Variants in NEK5 observed in about 807,000 individuals in gnomAD.
NEK5 encodes NIMA related kinase 5.
Under a neutral mutation model 109.2 loss-of-function variants are expected in NEK5, and 88 were observed. That is an observed-to-expected ratio of 0.81 (90% CI 0.68 to 0.96). NEK5 has a LOEUF of 0.96. Among genes scored for constraint, NEK5 ranks in the 40% least tolerant of loss-of-function variants. NEK5 has a pLI of 0.00. For missense variants in NEK5, 834 were observed against 920.7 expected (o/e 0.91, Z 1.22); for synonymous variants, 283 against 299.9 (o/e 0.94, Z 0.58).
chr13:52,076,192 G>C, intron 17 of NEK5, 49 bp from the exon 18 acceptor site: 1 of 982,350 alleles, frequency 1.0e-6, no homozygotes. Flanking sequence ...GTTTACATGA[G>C]TTGATTTCTG....
intron 12 of NEK5, among the ~76,000 whole-genome samples, chr13:52,098,569 A>G (rs1955466963): frequency 6.6e-6 from 1 of 152,158 alleles, no homozygotes; most frequent in African/African-American, 2.4e-5. Flanking sequence ...AATTCAAATA[A>G]TTAAACACAA....
rs765978449 is a variant in NEK5 at position 52,102,190 on chromosome 13, G to A, written c.712C>T (p.Gln238Ter). The A allele has an allele frequency of 6.2e-7, 1 of 1,613,620 alleles. No individual in the cohort carries two copies. Among genetic ancestry groups the A allele is most frequent in the Non-Finnish European group, 8.5e-7 (1 of 1,179,558 alleles). The stretch of plus-strand genomic sequence containing the variant: ...TCTCGAGGAGATACTTGAAAGAGCT[G>A]AGATATCAAGGAATGGAGCTCACGA... ...FSRELHSLIS[Q>*]LFQVSPRDRP... The change falls in exon 10 of 24, where the codon CAG (glutamine) becomes TAG (stop). Residue 238 changes from glutamine (Q) to a stop codon, truncating the protein, a stop_gained. Transcript: ENST00000684899. LOFTEE classifies it high-confidence loss of function.
In NEK5 at chr13:52,080,988, TA is replaced by T. The variant is rs35236001; in HGVS notation, c.1572+2271del. On this transcript the variant is annotated intron_variant, in intron 17 of 23. Coordinates refer to ENST00000684899, the MANE Select transcript of NEK5 (RefSeq NM_001365552.1). ...TTAAAGAAATAAAAAATATGTCATT[TA>T]AAAAAAAAAAAGGTAATCTGAGACA... Among the ~76,000 whole-genome samples, 638 of 145,956 alleles carry T rather than the reference TA, an allele frequency of 4.4e-3. 2 individuals carry two copies. The highest frequency in any genetic ancestry group is 0.013 in the African/African-American group (518 of 39,538).
chr13:52,107,215 G>A (rs1955673127), intron 8 of NEK5, among the ~76,000 whole-genome samples: 1 of 152,084 alleles, frequency 6.6e-6, no homozygotes, highest in Admixed American at 6.6e-5. Flanking sequence ...TCCCCATTTT[G>A]TGGCAGGCCA....
At chr13:52,124,296 C>T (rs113728503) in intron 3 of NEK5, among the ~76,000 whole-genome samples, 6,626 of 152,272 alleles carry the variant, frequency 0.044, 142 homozygotes, top group East Asian at 0.062. Context: ...AAAAAAAATG[C>T]ACAAGGCAAA....
intron 17 of NEK5, among the ~76,000 whole-genome samples, chr13:52,079,912 G>A (rs1201574704): frequency 5.4e-5 from 8 of 148,202 alleles, no homozygotes; most frequent in African/African-American, 1.0e-4. Context: ...TTGCCCCGCC[G>A]CCCCGTCTGG....
chr13:52,071,566 G>A (rs1375910645), intron 20 of NEK5, among the ~76,000 whole-genome samples: 2 of 152,182 alleles, frequency 1.3e-5, no homozygotes, highest in Non-Finnish European at 2.9e-5. Context: ...TTGCATCTGT[G>A]ACACTAACCA....
At chr13:52,123,762 A>G (rs1421452743) in intron 3 of NEK5, among the ~76,000 whole-genome samples, 3 of 152,156 alleles carry the variant, frequency 2.0e-5, no homozygotes, top group Non-Finnish European at 4.4e-5. Context: ...GGTTCCAATA[A>G]AAGTTATGCA....
chr13:52,086,674 T>C (rs1042775855), intron 15 of NEK5, among the ~76,000 whole-genome samples: 1 of 152,156 alleles, frequency 6.6e-6, no homozygotes, highest in African/African-American at 2.4e-5. Flanking sequence ...CAAAAAGAGA[T>C]ATGTTGAAGT....
Position 52,110,332 on chromosome 13 carries a change from G to A in NEK5, c.467+8C>T. 1 of 1,582,578 alleles carries A rather than the reference G, an allele frequency of 6.3e-7. No individual in the cohort carries two copies. Among genetic ancestry groups the A allele is most frequent in the Non-Finnish European group, 8.7e-7 (1 of 1,151,810 alleles). ...ACTAGAAAGAAAAATTATTTTCAAA[G>A]TACTTACTTATTCAGGACTCTTGCT... On this transcript the variant is annotated splice_region_variant and intron_variant, in intron 7 of 23. Transcript: ENST00000684899.
rs1324986286 is a variant in NEK5, at chr13:52,071,978, G to A, written c.1815C>T (p.Asp605=). The A allele has an allele frequency of 1.9e-6, 3 of 1,612,252 alleles. No homozygotes were observed. Among genetic ancestry groups the A allele is most frequent in the Non-Finnish European group, 2.5e-6 (3 of 1,178,594 alleles). ...ECVKEHGDYT[D]KAFEKLHCPE... is the part of the protein sequence containing the mutation. ...GGCAGTGAAGTTTTTCAAATGCTTT[G>A]TCTGTATAATCTCCATGCTCCTTTA... The change falls in exon 20 of 24, where the codon GAC becomes GAT. Residue 605 remains aspartate (D), a synonymous_variant. Transcript: ENST00000684899.
intron 16 of NEK5, among the ~76,000 whole-genome samples, chr13:52,084,754 AGAGAGAGAGTGTGTGT>A (rs1303964159): frequency 5.2e-4 from 27 of 51,546 alleles, no homozygotes; most frequent in Non-Finnish European, 1.4e-3. Flanking sequence ...AGAGAGAGAG[AGAGAGAGAGTGTGTGT>A]GTGTGTGTGT....
At chr13:52,057,884 A>T (rs1445576792) in intron 22 of NEK5, among the ~76,000 whole-genome samples, 1 of 151,540 alleles carries the variant, frequency 6.6e-6, no homozygotes, top group African/African-American at 2.4e-5. Context: ...CCCTTTGAAA[A>T]CTGGCACAAG....
At chr13:52,099,645 G>A in intron 12 of NEK5, 98 bp downstream of exon 12, 3 of 1,346,018 alleles carry the variant, frequency 2.2e-6, no homozygotes, top group Non-Finnish European at 3.1e-6. Context: ...ACTCCAGCCT[G>A]GCGACAGAGC....
chr13:52,090,274 C>T lies in NEK5; in HGVS notation c.1209-961G>A, dbSNP rs114764064. Among the ~76,000 whole-genome samples the T allele has an allele frequency of 1.3e-3, 201 of 152,164 alleles. 1 individual carries two copies. Among genetic ancestry groups the T allele is most frequent in the African/African-American group, 4.4e-3 (184 of 41,510 alleles). On this transcript the variant is annotated intron_variant, in intron 13 of 23. Transcript: ENST00000684899. ...TAATTATTGGTTGCTAAATAAAAACCGCATTTCAGACCATAAGTTTTTTGG... is the reference window on the plus strand; with the variant it reads ...TAATTATTGGTTGCTAAATAAAAACTGCATTTCAGACCATAAGTTTTTTGG...
chr13:52,091,989 CTT>C (rs1230299934), intron 13 of NEK5, among the ~76,000 whole-genome samples: 3 of 152,122 alleles, frequency 2.0e-5, no homozygotes, highest in African/African-American at 7.2e-5. Flanking sequence ...TTAGTAACCT[CTT>C]TGAGAAATGA....
rs764163300 is a variant in NEK5 at position 52,108,409 on chromosome 13, T to C, written c.468-5A>G. The C allele has an allele frequency of 1.3e-6, 2 of 1,494,496 alleles. No individual in the cohort carries two copies. Among genetic ancestry groups the C allele is most frequent in the Non-Finnish European group, 1.9e-6 (2 of 1,074,990 alleles). 92.6% of individuals were successfully genotyped at this position (1,494,496 alleles called of 1,614,324 possible). A position where few individuals can be genotyped will look rare whatever the true frequency, so the allele number is the denominator to read the frequency against. ...GTTCGAGCAAGTTCCATGGAACTAG[T>C]AAATTATATTAAATAATAAATCAGC... On this transcript the variant is annotated splice_polypyrimidine_tract_variant and splice_region_variant and intron_variant, in intron 7 of 23. Coordinates refer to ENST00000684899, the MANE Select transcript of NEK5 (RefSeq NM_001365552.1).
At chr13:52,083,408 C>A (rs1302610644) in intron 16 of NEK5, 56 bp from the exon 17 acceptor site, 5 of 1,084,612 alleles carry the variant, frequency 4.6e-6, no homozygotes, top group Non-Finnish European at 7.1e-6. Context: ...GCTCTGAAGG[C>A]TACTTGGCTG....
intron 12 of NEK5, among the ~76,000 whole-genome samples, chr13:52,094,740 C>A (rs987403813): frequency 3.9e-5 from 6 of 152,214 alleles, no homozygotes; most frequent in Admixed American, 3.9e-4. Context: ...TACCACTGCA[C>A]TCCAGCCTGG....
Sources: allele counts gnomAD v4.1 joint callset (sites outside exome capture counted in the v4.1 genomes callset), GRCh38; gene constraint gnomAD v4.1.1; transcripts MANE v1.5; gene names NCBI Gene and HGNC (gene_info 2026-07-23, HGNC 2026-07-21).